Variants in TAFA1 observed in about 807,000 individuals in gnomAD.
TAFA1 encodes the protein chemokine-like protein TAFA-1.
TAFA1 carries 4 observed loss-of-function variants against 18.5 expected under a neutral mutation model. The observed-to-expected ratio is 0.22, with a 90% CI of 0.11 to 0.49. TAFA1 has a LOEUF of 0.49. TAFA1 is among the 20% of genes least tolerant of loss of function. The probability of loss-of-function intolerance (pLI) is 0.98; values close to 1 mark genes in which losing one functional copy is unlikely to be tolerated. For synonymous variants in TAFA1, 56 were observed against 55.2 expected, an observed-to-expected ratio of 1.01 and a Z score of -0.06; for missense variants, 147 against 169.0, an observed-to-expected ratio of 0.87 and a Z score of 0.72.
At chr3:68,288,000 C>T (rs986172288) in intron 2 of TAFA1, among the ~76,000 whole-genome samples, 1 of 150,630 alleles carries the variant, frequency 6.6e-6, no homozygotes, top group African/African-American at 2.4e-5. Context: ...TCGATTTTCA[C>T]AGGCCACTGT....
intron 4 of TAFA1, among the ~76,000 whole-genome samples, chr3:68,541,683 A>G (rs1421605671): frequency 6.6e-6 from 1 of 152,164 alleles, no homozygotes; most frequent in Non-Finnish European, 1.5e-5. Flanking sequence ...TTGGGGAAAC[A>G]CACTCAGATT....
intron 2 of TAFA1, among the ~76,000 whole-genome samples, chr3:68,303,729 G>A (rs528643208): frequency 1.1e-4 from 17 of 152,166 alleles, no homozygotes; most frequent in South Asian, 6.2e-4. Context: ...GATTACAGGC[G>A]TGAACCACCG....
At chr3:68,293,778 A>G (rs2068157236) in intron 2 of TAFA1, among the ~76,000 whole-genome samples, 1 of 152,178 alleles carries the variant, frequency 6.6e-6, no homozygotes, top group Non-Finnish European at 1.5e-5. Flanking sequence ...TTTGGGGGAA[A>G]TTGAAGAGCA....
chr3:68,402,221 G>C (rs553848618), intron 2 of TAFA1, among the ~76,000 whole-genome samples: 1 of 151,980 alleles, frequency 6.6e-6, no homozygotes, highest in Non-Finnish European at 1.5e-5. Context: ...TGAATGCACC[G>C]GTGCTCATTG....
intron 2 of TAFA1, among the ~76,000 whole-genome samples, chr3:68,236,339 A>G (rs907140965): frequency 6.6e-6 from 1 of 152,246 alleles, no homozygotes. Context: ...CATACTTTAA[A>G]AAATATATTT....
the TAFA1 span, among the ~76,000 whole-genome samples, chr3:67,999,000 C>T: frequency 1.3e-5 from 2 of 152,154 alleles, no homozygotes; most frequent in Non-Finnish European, 2.9e-5. Flanking sequence ...TTTCTTCTAG[C>T]TTACTAAAAA....
chr3:68,477,234 G>A (rs537325731), intron 3 of TAFA1, among the ~76,000 whole-genome samples: 4 of 151,650 alleles, frequency 2.6e-5, no homozygotes, highest in East Asian at 1.9e-4. Context: ...CATCCATATT[G>A]TTGCATATAA....
intron 2 of TAFA1, among the ~76,000 whole-genome samples, chr3:68,011,592 C>G (rs892836170): frequency 1.3e-5 from 2 of 152,002 alleles, no homozygotes; most frequent in African/African-American, 4.8e-5. Context: ...CAGTAGAATA[C>G]CAGAGTACAT....
At chr3:68,450,051 GT>G (rs1323734552) in intron 3 of TAFA1, among the ~76,000 whole-genome samples, 2 of 151,972 alleles carry the variant, frequency 1.3e-5, no homozygotes, top group Non-Finnish European at 2.9e-5. Context: ...AGGTAGAACA[GT>G]TAGATGATTG....
At chr3:68,156,299 A>T (rs1312325447) in intron 2 of TAFA1, among the ~76,000 whole-genome samples, 1 of 152,196 alleles carries the variant, frequency 6.6e-6, no homozygotes, top group Non-Finnish European at 1.5e-5. Context: ...GTATCTGGGA[A>T]ATAAGAAGGA....
chr3:68,039,787 T>C (rs2106674431), intron 2 of TAFA1, among the ~76,000 whole-genome samples: 1 of 152,156 alleles, frequency 6.6e-6, no homozygotes, highest in South Asian at 2.1e-4. Flanking sequence ...CATAAGTGAG[T>C]TGCTGATGCA....
chr3:68,146,058 G>A (rs900788322), intron 2 of TAFA1, among the ~76,000 whole-genome samples: 2 of 152,172 alleles, frequency 1.3e-5, no homozygotes, highest in African/African-American at 4.8e-5. Context: ...TCTACAGAAG[G>A]AACCTCTGTT....
chr3:68,214,839 A>G (rs1041971306), intron 2 of TAFA1, among the ~76,000 whole-genome samples: 11 of 152,030 alleles, frequency 7.2e-5, no homozygotes, highest in African/African-American at 2.7e-4. Context: ...TGTTTTTTAA[A>G]TAATACACAT....
intron 4 of TAFA1, among the ~76,000 whole-genome samples, chr3:68,541,250 A>C (rs994096908): frequency 3.3e-5 from 5 of 152,178 alleles, no homozygotes; most frequent in African/African-American, 1.2e-4. Flanking sequence ...TTACTGACAT[A>C]CGTCCTCCCT....
Position 68,498,722 on chromosome 3 carries a change from C to CTTTTTTTTTTTTT in TAFA1, c.260-40011_260-39999dup, listed in dbSNP as rs34030223. Reference sequence around the variant, plus strand: ...AATTCCTCCCAAAGCCGTTTGGTGGCTTTTTTTTTTTTTTTTTTTTTTTTT... The same window carrying CTTTTTTTTTTTTT: ...AATTCCTCCCAAAGCCGTTTGGTGGCTTTTTTTTTTTTTTTTTTTTTTTTTTTTTTTTTTTTTT... On this transcript the variant is annotated intron_variant, in intron 3 of 4. Transcript: ENST00000478136. 1.4e-4 allele frequency among the ~76,000 whole-genome samples: 14 copies of CTTTTTTTTTTTTT among 97,032 alleles called. 2 individuals are homozygous for CTTTTTTTTTTTTT. The highest frequency in any genetic ancestry group is 6.2e-4 in the African/African-American group (13 of 20,888). 63.7% of individuals were successfully genotyped at this position (97,032 alleles called of 152,430 possible). A position where few individuals can be genotyped will look rare whatever the true frequency, so the allele number is the denominator to read the frequency against.
At chr3:68,080,773 A>C (rs561440811) in intron 2 of TAFA1, among the ~76,000 whole-genome samples, 2,173 of 152,176 alleles carry the variant, frequency 0.014, 58 homozygotes, top group African/African-American at 0.049. Flanking sequence ...ACTTTGGTGA[A>C]TCTGACAATT....
chr3:68,066,905 G>A (rs2064685460), intron 2 of TAFA1, among the ~76,000 whole-genome samples: 2 of 152,228 alleles, frequency 1.3e-5, no homozygotes, highest in East Asian at 1.9e-4. Context: ...TCTCTGTCAG[G>A]GTGGGAGAGT....
intron 2 of TAFA1, among the ~76,000 whole-genome samples, chr3:68,170,283 A>G (rs2106957325): frequency 6.6e-6 from 1 of 152,288 alleles, no homozygotes; most frequent in Non-Finnish European, 1.5e-5. Context: ...CCCTCTTCCC[A>G]GAAAATTTTT....
In TAFA1 at chr3:68,405,699, CAAAAAAAAAAAA is replaced by C. The variant is rs56258198; in HGVS notation, c.119-11551_119-11540del. On this transcript the variant is annotated intron_variant, in intron 2 of 4. Transcript: ENST00000478136. ...TAGGCAATGGAGTGAGACTCTATCT[CAAAAAAAAAAAA>C]AAAAAAAAAAAAAAAAAAAAAAAAA... Among the ~76,000 whole-genome samples the C allele has an allele frequency of 8.3e-3, 272 of 32,782 alleles. 4 individuals carry two copies. The highest frequency in any genetic ancestry group is 0.017 in the African/African-American group (234 of 13,972). 21.5% of individuals were successfully genotyped at this position (32,782 alleles called of 152,430 possible).
Sources: allele counts gnomAD v4.1 joint callset (sites outside exome capture counted in the v4.1 genomes callset), GRCh38; gene constraint gnomAD v4.1.1; transcripts MANE v1.5; gene names NCBI Gene and HGNC (gene_info 2026-07-23, HGNC 2026-07-21).